The following PCDHGB3 variants were observed in gnomAD, a reference collection of about 807,000 sequenced individuals.
The protein encoded by PCDHGB3 is protocadherin gamma-B3.
PCDHGB3 carries 40 observed loss-of-function variants against 59.2 expected under a neutral mutation model. The observed-to-expected ratio is 0.68, with a 90% CI of 0.52 to 0.88. The LOEUF is 0.88. PCDHGB3 is among the 40% of genes least tolerant of loss of function. The pLI is 0.00. For synonymous variants in PCDHGB3, 581 were observed against 503.6 expected (o/e 1.15, Z -2.06); for missense variants, 1,309 against 1,187.9 (o/e 1.10, Z -1.50).
chr5:141,450,006 C>CTTTT (rs1554136305), intron 1 of PCDHGB3, among the ~76,000 whole-genome samples: 4 of 132,984 alleles, frequency 3.0e-5, no homozygotes, highest in South Asian at 2.3e-4. Flanking sequence ...TGCCATGTCT[C>CTTTT]TTTTTTTTTT....
At chr5:141,423,099 G>C (rs1344463949) in intron 1 of PCDHGB3, 1 of 1,613,826 alleles carries the variant, frequency 6.2e-7, no homozygotes, top group Non-Finnish European at 8.5e-7. Flanking sequence ...GGGAGCACAC[G>C]GGCGAGGTGC....
intron 1 of PCDHGB3, chr5:141,388,386 C>G: frequency 6.2e-7 from 1 of 1,613,944 alleles, no homozygotes; most frequent in Non-Finnish European, 8.5e-7. Flanking sequence ...CAACACACTG[C>G]AGAATTACCA....
chr5:141,371,960 C>T lies in PCDHGB3; in HGVS notation c.1566C>T (p.His522=), dbSNP rs771450244. 9.9e-6 allele frequency: 16 copies of T among 1,613,142 alleles called. No individual in the cohort carries two copies. Among genetic ancestry groups the T allele is most frequent in the Admixed American group, 1.7e-5 (1 of 59,994 alleles). ...GVVFAQRAFD[H]EQLRAFELTL... ...TGTTCGCGCAGCGAGCCTTCGACCA[C>T]GAGCAGCTGCGTGCCTTCGAGCTCA... Residue 522 remains histidine, a synonymous_variant, in exon 1 of 4, where the codon CAC becomes CAT. Transcript: ENST00000576222.
rs962794399 is a variant in PCDHGB3, at chr5:141,449,958, AT to A, written c.2416-44841del. Among the ~76,000 whole-genome samples, 332 of 148,828 alleles carry A rather than the reference AT, an allele frequency of 2.2e-3. 1 individual carries two copies. The highest frequency in any genetic ancestry group is 6.8e-3 in the Admixed American group (101 of 14,904). Reference sequence around the variant, plus strand: ...GTATATTTTACTATACCTCATAGTAATTTTTTTTAGTCCAAAATATCACACA... The same window carrying A: ...GTATATTTTACTATACCTCATAGTAATTTTTTTAGTCCAAAATATCACACA... On this transcript the variant is annotated intron_variant, in intron 1 of 3. Coordinates refer to ENST00000576222, the MANE Select transcript of PCDHGB3 (RefSeq NM_018924.5).
rs1177173734 is a variant in PCDHGB3, at chr5:141,491,741, G to T, written c.2416-3066G>T. 1.3e-6 allele frequency: 2 copies of T among 1,595,762 alleles called. No individual in the cohort carries two copies. On this transcript the variant is annotated intron_variant, in intron 1 of 3. Transcript: ENST00000576222. This position sits in a 1 kb window ranked among gnomAD's most constrained non-coding sequence, Gnocchi z 6.9. ...CCGCCCCGGGCGACCCCTGGGGGCG[G>T]CACTGGAGAAGCCGCCCGTCCTCAT... is the stretch of plus-strand genomic sequence containing the variant.
At chr5:141,435,214 A>T (rs1314928643) in intron 1 of PCDHGB3, among the ~76,000 whole-genome samples, 1 of 152,176 alleles carries the variant, frequency 6.6e-6, no homozygotes, top group Non-Finnish European at 1.5e-5. Context: ...AAGTGAATTT[A>T]CTTTCTTTCA....
rs778294045 is a variant in PCDHGB3 at position 141,399,841 on chromosome 5, G to A, written c.2415+27032G>A. 2 of 1,612,968 alleles carry A rather than the reference G, an allele frequency of 1.2e-6. No homozygotes were observed. Among genetic ancestry groups the A allele is most frequent in the African/African-American group, 1.3e-5 (1 of 74,926 alleles). ...GGGTCCCGACGGCTCTGCGCTCTTC[G>A]ATATGGTGCCGCGCGCTGCAGAGCC... On this transcript the variant is annotated intron_variant, in intron 1 of 3. Transcript: ENST00000576222.
intron 1 of PCDHGB3, chr5:141,376,827 C>T (rs954435109): frequency 2.9e-5 from 8 of 271,594 alleles, no homozygotes; most frequent in Middle Eastern, 1.2e-3. Flanking sequence ...GCTGGGACTA[C>T]AGGCGCCCGC....
intron 1 of PCDHGB3, among the ~76,000 whole-genome samples, chr5:141,450,812 T>A (rs2098694727): frequency 7.5e-6 from 1 of 133,924 alleles, no homozygotes; most frequent in Admixed American, 7.4e-5. Context: ...ATTTATTTAT[T>A]TAATATTATT....
At chr5:141,484,451 T>G (rs2099596635) in intron 1 of PCDHGB3, among the ~76,000 whole-genome samples, 2 of 152,264 alleles carry the variant, frequency 1.3e-5, no homozygotes, top group South Asian at 4.1e-4. Flanking sequence ...TTTAATTGGC[T>G]ACGTTAATGT....
At position 141,511,542 on chromosome 5, in the gene PCDHGB3, A is replaced by C; in HGVS notation, c.*369A>C. The stretch of plus-strand genomic sequence containing the variant: ...CCCATGCCTCCCTCCTCCCCACCCC[A>C]CTCCAACAGTTCCTCTTTCCCGAGT... On this transcript the variant is annotated 3_prime_UTR_variant, in exon 4 of 4. Coordinates refer to ENST00000576222, the MANE Select transcript of PCDHGB3 (RefSeq NM_018924.5). 6.6e-6 allele frequency: 2 copies of C among 302,184 alleles called. No homozygotes were observed. The highest frequency in any genetic ancestry group is 3.7e-5 in the South Asian group (1 of 26,678). The allele number at this position is 302,184 out of a possible 1,614,324, so 18.7% of individuals were successfully genotyped here. A position where few individuals can be genotyped will look rare whatever the true frequency, so the allele number is the denominator to read the frequency against.
At chr5:141,390,321 C>T (rs776100029) in intron 1 of PCDHGB3, 13 of 1,606,964 alleles carry the variant, frequency 8.1e-6, no homozygotes, top group Admixed American at 1.7e-5. Context: ...TCATTGCCTA[C>T]CCATTTCTCC....
At chr5:141,415,503 G>A (rs1354902623) in intron 1 of PCDHGB3, 1 of 1,614,212 alleles carries the variant, frequency 6.2e-7, no homozygotes. Flanking sequence ...TCTTCCCCCA[G>A]CCCAATTATG....
Position 141,476,278 on chromosome 5 carries a change from T to C in PCDHGB3, c.2416-18529T>C, listed in dbSNP as rs746655724. On this transcript the variant is annotated intron_variant, in intron 1 of 3. Transcript: ENST00000576222. The surrounding 1 kb of genome is among the most constrained non-coding windows in gnomAD (Gnocchi z 7.6). ...CTGTGGGCAACGTGGTCGCGAACCTTGGTTTGGATCTCGGTAGCCTCTCAG... is the reference window on the plus strand; with the variant it reads ...CTGTGGGCAACGTGGTCGCGAACCTCGGTTTGGATCTCGGTAGCCTCTCAG... The C allele has an allele frequency of 3.2e-5, 52 of 1,613,758 alleles. No homozygotes were observed. Among genetic ancestry groups the C allele is most frequent in the Non-Finnish European group, 4.2e-5 (49 of 1,179,958 alleles).
At chr5:141,412,779 C>A (rs966431850) in intron 1 of PCDHGB3, among the ~76,000 whole-genome samples, 6 of 152,168 alleles carry the variant, frequency 3.9e-5, no homozygotes, top group Non-Finnish European at 7.3e-5. Context: ...ACAATATTTT[C>A]ACTCCACTTT....
intron 1 of PCDHGB3, chr5:141,440,036 A>T (rs540100930): frequency 6.5e-6 from 1 of 153,058 alleles, no homozygotes; most frequent in Non-Finnish European, 1.5e-5. Context: ...TGTCGAGGAC[A>T]TGCCCACTTG....
At position 141,487,362 on chromosome 5, in the gene PCDHGB3, C is replaced by T; in HGVS notation, c.2416-7445C>T. On this transcript the variant is annotated intron_variant, in intron 1 of 3. Transcript: ENST00000576222. The surrounding 1 kb of genome is among the most constrained non-coding windows in gnomAD (Gnocchi z 5.0). The stretch of plus-strand genomic sequence containing the variant: ...GGAGTCACATGCTTTCCTGCTGGCA[C>T]CTGTGCCTGTCTCACCAGATCTCGA... 3 of 1,614,200 alleles carry T rather than the reference C, an allele frequency of 1.9e-6. No homozygotes were observed. Among genetic ancestry groups the T allele is most frequent in the Non-Finnish European group, 2.5e-6 (3 of 1,180,044 alleles).
In PCDHGB3 at chr5:141,372,334, G is replaced by A. The variant is rs757971401; in HGVS notation, c.1940G>A (p.Arg647His). The A allele has an allele frequency of 1.9e-6, 3 of 1,613,766 alleles. No individual in the cohort carries two copies. The highest frequency in any genetic ancestry group is 1.7e-5 in the Admixed American group (1 of 60,036). Residue 647 changes from arginine to histidine, a missense_variant, in exon 1 of 4, where the codon CGT (arginine) becomes CAT (histidine). Transcript: ENST00000576222. ...CGCCAGCGCCTGCTGGTCACTGTGC[G>A]TGATGGAGGACAGCAGCCTCTTTCA... The part of the protein sequence containing the change: ...AARQRLLVTV[R>H]DGGQQPLSAT...
chr5:141,376,016 G>A, intron 1 of PCDHGB3: 7 of 1,613,318 alleles, frequency 4.3e-6, no homozygotes, highest in Non-Finnish European at 5.9e-6. Flanking sequence ...CCTAGTGGTG[G>A]CCGTCCAGGA....
Sources: gnomAD v4.1 joint callset for allele counts (sites outside exome capture counted in the v4.1 genomes callset) on GRCh38, gnomAD v4.1.1 for gene constraint, Gnocchi (gnomAD v3.1) non-coding constraint, MANE v1.5 for transcripts, NCBI Gene and HGNC (gene_info 2026-07-23, HGNC 2026-07-21) for gene names.